The following F13A1 variants were observed in gnomAD, a reference collection of about 807,000 sequenced individuals.
F13A1 encodes the protein coagulation factor XIII A chain, also known as FSF, A subunit.
In F13A1, 47 loss-of-function variants were observed where a neutral mutation model predicts 80.1. The ratio of observed to expected loss-of-function variants is 0.59; its 90% CI spans 0.46 to 0.75. F13A1 has a LOEUF of 0.75. Among genes scored for constraint, F13A1 ranks in the 30% least tolerant of loss-of-function variants. The pLI, the probability that F13A1 is intolerant of heterozygous loss-of-function variation, is 0.00. For synonymous variants in F13A1, 349 were observed against 344.9 expected (o/e 1.01, Z -0.13); for missense variants, 817 against 930.4 (o/e 0.88, Z 1.59).
chr6:6,178,171 G>T (rs774354641), intron 11 of F13A1, among the ~76,000 whole-genome samples: 9 of 151,974 alleles, frequency 5.9e-5, no homozygotes, highest in Non-Finnish European at 1.3e-4. Flanking sequence ...AGGTGGAATT[G>T]GGAAGCTAGA....
chr6:6,171,305 G>A (rs915948727), intron 12 of F13A1, among the ~76,000 whole-genome samples: 2 of 152,106 alleles, frequency 1.3e-5, no homozygotes, highest in Non-Finnish European at 2.9e-5. Flanking sequence ...TGCTGTGTGG[G>A]GGCTTGAACA....
intron 8 of F13A1, among the ~76,000 whole-genome samples, chr6:6,212,691 C>T (rs1453756909): frequency 1.3e-5 from 2 of 152,196 alleles, no homozygotes; most frequent in Non-Finnish European, 2.9e-5. Context: ...ATAACTTTGA[C>T]GAGCTGAGAG....
chr6:6,305,377 T>C lies in F13A1; in HGVS notation c.293A>G (p.Asp98Gly). 1 of 1,614,172 alleles carries C rather than the reference T, an allele frequency of 6.2e-7. No homozygotes were observed. The change falls in exon 3 of 15, where the codon GAT (aspartate) becomes GGT (glycine). Residue 98 changes from aspartate to glycine, a missense_variant. Asp to Gly is a moderately conservative substitution (Grantham distance 94). Coordinates refer to ENST00000264870, the MANE Select transcript of F13A1 (RefSeq NM_000129.4). ...AATGACGTATTCCACCCTGAAGAGA[T>C]CCCTTCTGGGGTCATATGGACGACT... ...DFSRPYDPRR[D>G]LFRVEYVIGR...
intron 2 of F13A1, among the ~76,000 whole-genome samples, chr6:6,315,189 C>T (rs1008633076): frequency 1.3e-5 from 2 of 152,206 alleles, no homozygotes; most frequent in African/African-American, 4.8e-5. Context: ...ATTACATTTC[C>T]AGCTACACAT....
chr6:6,183,161 G>A (rs1380736738), intron 10 of F13A1, among the ~76,000 whole-genome samples: 1 of 152,170 alleles, frequency 6.6e-6, no homozygotes, highest in African/African-American at 2.4e-5. Flanking sequence ...TAGGAAGCAT[G>A]AATTGTACTG....
intron 8 of F13A1, among the ~76,000 whole-genome samples, chr6:6,204,801 A>G (rs1761457749): frequency 6.6e-6 from 1 of 152,276 alleles, no homozygotes; most frequent in African/African-American, 2.4e-5. Flanking sequence ...AGCTGCGAGC[A>G]TGACACTATT....
intron 8 of F13A1, among the ~76,000 whole-genome samples, chr6:6,206,060 T>G (rs1761483259): frequency 6.6e-6 from 1 of 152,180 alleles, no homozygotes. Context: ...AAAAGTCTAA[T>G]GTATAAAAAA....
intron 8 of F13A1, among the ~76,000 whole-genome samples, chr6:6,211,543 G>A (rs575386499): frequency 1.1e-4 from 16 of 152,282 alleles, no homozygotes; most frequent in East Asian, 5.8e-4. Context: ...CTTGGAATTC[G>A]TTTTTAGATC....
chr6:6,300,713 A>T (rs1418614377), intron 3 of F13A1, among the ~76,000 whole-genome samples: 1 of 152,148 alleles, frequency 6.6e-6, no homozygotes, highest in African/African-American at 2.4e-5. Flanking sequence ...TGGGTCGCTC[A>T]GGCTGGGAGC....
At chr6:6,171,492 C>G (rs1760773256) in intron 12 of F13A1, among the ~76,000 whole-genome samples, 1 of 152,214 alleles carries the variant, frequency 6.6e-6, no homozygotes, top group Admixed American at 6.5e-5. Flanking sequence ...CGGGCTCCAC[C>G]TTCAGCACAT....
chr6:6,244,419 A>G (rs1250447604), intron 6 of F13A1, among the ~76,000 whole-genome samples: 1 of 152,076 alleles, frequency 6.6e-6, no homozygotes, highest in Non-Finnish European at 1.5e-5. Flanking sequence ...TGCACCACTC[A>G]GTATTTAAAG....
chr6:6,182,752 G>A (rs780219862), intron 10 of F13A1, among the ~76,000 whole-genome samples: 2 of 152,132 alleles, frequency 1.3e-5, no homozygotes, highest in African/African-American at 2.4e-5. Flanking sequence ...TTGGGGATTT[G>A]GGGGCCTTAA....
At chr6:6,286,255 A>C (rs1758138625) in intron 3 of F13A1, among the ~76,000 whole-genome samples, 1 of 152,184 alleles carries the variant, frequency 6.6e-6, no homozygotes, top group East Asian at 1.9e-4. Context: ...GTGTTGTGGC[A>C]AGTGCCTGTA....
At chr6:6,202,840 T>A (rs1477617833) in intron 8 of F13A1, among the ~76,000 whole-genome samples, 1 of 152,242 alleles carries the variant, frequency 6.6e-6, no homozygotes, top group African/African-American at 2.4e-5. Flanking sequence ...TGCTAATAAT[T>A]CAGCAGTATT....
At chr6:6,180,489 G>C (rs993980114) in intron 11 of F13A1, among the ~76,000 whole-genome samples, 1 of 152,238 alleles carries the variant, frequency 6.6e-6, no homozygotes, top group Non-Finnish European at 1.5e-5. Context: ...GTATGAATGA[G>C]TGGATGTTGC....
intron 3 of F13A1, among the ~76,000 whole-genome samples, chr6:6,297,575 T>C (rs1758350079): frequency 6.7e-6 from 1 of 150,186 alleles, no homozygotes; most frequent in African/African-American, 2.5e-5. Flanking sequence ...TTTGTATTTC[T>C]GTGGGATCGG....
At chr6:6,318,428 T>G in intron 2 of F13A1, 107 bp downstream of exon 2, 1 of 1,365,570 alleles carries the variant, frequency 7.3e-7, no homozygotes, top group Non-Finnish European at 9.8e-7. Flanking sequence ...GGGCTTCCTT[T>G]TGTGGGAACC....
chr6:6,145,165 GA>G lies in F13A1; in HGVS notation c.*453del. 3 of 216,564 alleles carry G rather than the reference GA, an allele frequency of 1.4e-5. No homozygotes were observed. The East Asian group carries it at 3.7e-4, about 26-fold the overall frequency. 13.4% of individuals were successfully genotyped at this position (216,564 alleles called of 1,614,324 possible). ...GAAAAATATTCTCACATGGAGGGTA[GA>G]ACCTGACCCCGAGAAAGGGGACTGG... is the stretch of plus-strand genomic sequence containing the variant. On this transcript the variant is annotated 3_prime_UTR_variant, in exon 15 of 15. Transcript: ENST00000264870.
At chr6:6,202,611 T>TA (rs748790735) in intron 8 of F13A1, among the ~76,000 whole-genome samples, 62 of 152,294 alleles carry the variant, frequency 4.1e-4, no homozygotes, top group South Asian at 1.2e-3. Context: ...CCCTTTAAAG[T>TA]AAAAAAATTC....
Sources: allele counts gnomAD v4.1 joint callset (sites outside exome capture counted in the v4.1 genomes callset), GRCh38; gene constraint gnomAD v4.1.1; transcripts MANE v1.5; gene names NCBI Gene and HGNC (gene_info 2026-07-23, HGNC 2026-07-21).